The following HNRNPR variants were observed in gnomAD, a reference collection of about 807,000 sequenced individuals.
HNRNPR encodes heterogeneous nuclear ribonucleoprotein R.
A neutral mutation model predicts 70.3 loss-of-function variants in HNRNPR; 4 were observed. That is an observed-to-expected ratio of 0.06 (90% CI 0.03 to 0.13). HNRNPR has a LOEUF of 0.13. Ranked by LOEUF, HNRNPR falls within the 10% of genes least tolerant of loss-of-function variation. HNRNPR has a pLI of 1.00. For missense variants in HNRNPR, 423 were observed against 788.5 expected (o/e 0.54, Z 5.55); for synonymous variants, 241 against 267.6 (o/e 0.90, Z 0.97).
rs1356950842 is a variant in HNRNPR, at chr1:23,308,053, T to C, written c.*2401A>G. The C allele has an allele frequency of 6.6e-6, 1 of 152,098 alleles. No individual in the cohort carries two copies. Among genetic ancestry groups the C allele is most frequent in the African/African-American group, 2.4e-5 (1 of 41,464 alleles). 9.4% of individuals were successfully genotyped at this position (152,098 alleles called of 1,614,324 possible). A position where few individuals can be genotyped will look rare whatever the true frequency, so the allele number is the denominator to read the frequency against. On this transcript the variant is annotated 3_prime_UTR_variant, in exon 11 of 11. Coordinates refer to ENST00000302271, the MANE Select transcript of HNRNPR (RefSeq NM_005826.5). ...TCTCTGAATGCTGCTACAGTGTTAA[T>C]TTACAAGACATGAAAGAAGAAAAGC... is the stretch of plus-strand genomic sequence containing the variant.
chr1:23,328,889 C>A (rs948623153), intron 5 of HNRNPR, among the ~76,000 whole-genome samples: 1 of 152,162 alleles, frequency 6.6e-6, no homozygotes, highest in Admixed American at 6.6e-5. Flanking sequence ...GAGGCCAAGG[C>A]AGGAGGATTG....
intron 6 of HNRNPR, among the ~76,000 whole-genome samples, chr1:23,322,482 T>C (rs1278677349): frequency 6.6e-6 from 1 of 152,184 alleles, no homozygotes; most frequent in African/African-American, 2.4e-5. Context: ...GTGATCTGCC[T>C]GCCTCAGCCT....
At chr1:23,340,728 TAAC>T in intron 2 of HNRNPR, 121 bp downstream of exon 2, 1 of 772,118 alleles carries the variant, frequency 1.3e-6, no homozygotes, top group South Asian at 2.2e-5. Context: ...GAAGGGAAAG[TAAC>T]AAACATTCAG....
At chr1:23,329,633 A>T (rs1194772600) in intron 5 of HNRNPR, among the ~76,000 whole-genome samples, 1 of 152,204 alleles carries the variant, frequency 6.6e-6, no homozygotes, top group African/African-American at 2.4e-5. Flanking sequence ...GTCATTCAAC[A>T]GTCTTTTCTT....
intron 4 of HNRNPR, among the ~76,000 whole-genome samples, chr1:23,334,978 C>T (rs1038776512): frequency 3.3e-5 from 5 of 151,594 alleles, no homozygotes; most frequent in South Asian, 2.1e-4. Flanking sequence ...AGTGCAGTGG[C>T]GCGATCTTGG....
rs760744112 is a variant in HNRNPR, at chr1:23,310,587, T to G, written c.1769A>C (p.Asn590Thr). Residue 590 changes from asparagine to threonine, a missense_variant, in exon 11 of 11, where the codon AAC (asparagine) becomes ACC (threonine). Asn to Thr is a moderately conservative substitution (Grantham distance 65). This residue lies in a region of HNRNPR where 39 missense variants were observed against 53.2 expected (regional missense o/e 0.73). Coordinates refer to ENST00000302271, the MANE Select transcript of HNRNPR (RefSeq NM_005826.5). This position sits in a 1 kb window ranked among gnomAD's most constrained non-coding sequence, Gnocchi z 6.0. ...QPDSKRRQTNNQQNWGSQPIA... is the reference protein window; with the variant it reads ...QPDSKRRQTNTQQNWGSQPIA... Reference sequence around the variant, plus strand: ...GGGTTGGGAACCCCAGTTCTGTTGGTTGTTGGTCTGACGACGCTTGGAATC... The same window carrying G: ...GGGTTGGGAACCCCAGTTCTGTTGGGTGTTGGTCTGACGACGCTTGGAATC... The G allele has an allele frequency of 6.2e-7, 1 of 1,614,220 alleles. No homozygotes were observed. Among genetic ancestry groups the G allele is most frequent in the South Asian group, 1.1e-5 (1 of 91,082 alleles).
chr1:23,336,767 C>CAAAA (rs34880516), intron 4 of HNRNPR, among the ~76,000 whole-genome samples: 1 of 59,582 alleles, frequency 1.7e-5, no homozygotes, highest in African/African-American at 4.6e-5. Context: ...GACTCTGTCT[C>CAAAA]AAAAAAAAAA....
intron 5 of HNRNPR, among the ~76,000 whole-genome samples, chr1:23,331,794 C>T (rs1456046413): frequency 2.4e-5 from 3 of 127,038 alleles, no homozygotes; most frequent in Non-Finnish European, 4.8e-5. Flanking sequence ...TATGATCACA[C>T]CACTAAACTC....
In HNRNPR at chr1:23,310,759, C is replaced by T; in HGVS notation, c.1597G>A (p.Gly533Arg). The stretch of plus-strand genomic sequence containing the variant: ...CCTCTTGGTGGTCCCAAAGGTGCCC[C>T]CCTCTGTGAATAGCCAGCTCTACCT... Reference protein sequence around the residue: ...PRGRAGYSQRGAPLGPPRGSR... With the variant: ...PRGRAGYSQRRAPLGPPRGSR... The change falls in exon 11 of 11, where the codon GGG becomes AGG. Residue 533 changes from glycine (G) to arginine (R), a missense_variant. Gly to Arg is a moderately radical substitution (Grantham distance 125). Around this residue, in one of 7 missense-constraint regions of HNRNPR, gnomAD observed 169 missense variants for 195.6 expected, o/e 0.86. Transcript: ENST00000302271. The surrounding 1 kb of genome is among the most constrained non-coding windows in gnomAD (Gnocchi z 6.0). 1 of 1,613,764 alleles carries T rather than the reference C, an allele frequency of 6.2e-7. No homozygotes were observed. The highest frequency in any genetic ancestry group is 8.5e-7 in the Non-Finnish European group (1 of 1,179,836).
intron 4 of HNRNPR, among the ~76,000 whole-genome samples, chr1:23,334,701 G>A (rs931323005): frequency 6.6e-5 from 10 of 152,080 alleles, no homozygotes; most frequent in African/African-American, 2.4e-4. Context: ...GTCAGGTTCC[G>A]AAAAATAAGT....
intron 6 of HNRNPR, among the ~76,000 whole-genome samples, chr1:23,322,214 G>A (rs930279413): frequency 6.6e-6 from 1 of 151,244 alleles, no homozygotes; most frequent in Admixed American, 6.6e-5. Context: ...TCACTATAGT[G>A]GATTTTCTTG....
intron 8 of HNRNPR, among the ~76,000 whole-genome samples, chr1:23,317,635 C>T (rs1039327184): frequency 1.3e-5 from 2 of 152,076 alleles, no homozygotes; most frequent in African/African-American, 4.8e-5. Flanking sequence ...TAAGAGCAAA[C>T]ATGACAATCT....
In HNRNPR at chr1:23,305,334, T is replaced by C. The variant is rs1326170014; in HGVS notation, c.*5120A>G. The C allele has an allele frequency of 6.6e-6, 1 of 152,198 alleles. No individual in the cohort carries two copies. Among genetic ancestry groups the C allele is most frequent in the Non-Finnish European group, 1.5e-5 (1 of 68,004 alleles). The allele number at this position is 152,198 out of a possible 1,614,324, so 9.4% of individuals were successfully genotyped here. A position where few individuals can be genotyped will look rare whatever the true frequency, so the allele number is the denominator to read the frequency against. On this transcript the variant is annotated 3_prime_UTR_variant, in exon 11 of 11. Coordinates refer to ENST00000302271, the MANE Select transcript of HNRNPR (RefSeq NM_005826.5). ...ATAAAATGTTACCTTAACACAACCCTGCAATCACTACAATTCTTAAAAGTA... is the reference window on the plus strand; with the variant it reads ...ATAAAATGTTACCTTAACACAACCCCGCAATCACTACAATTCTTAAAAGTA...
rs1210867418 is a variant in HNRNPR at position 23,318,168 on chromosome 1, T to TA, written c.1017+314dup. Among the ~76,000 whole-genome samples, 5,444 of 142,272 alleles carry TA rather than the reference T, an allele frequency of 0.038. 306 individuals carry two copies. Among genetic ancestry groups the TA allele is most frequent in the African/African-American group, 0.12 (4,876 of 39,758 alleles). 93.3% of individuals were successfully genotyped at this position (142,272 alleles called of 152,430 possible). A position where few individuals can be genotyped will look rare whatever the true frequency, so the allele number is the denominator to read the frequency against. Reference sequence around the variant, plus strand: ...TACTTCTCTCTTTACTCAGGACTTTTAAAAAAAAAAAAAACCTCTATCCCT... The same window carrying TA: ...TACTTCTCTCTTTACTCAGGACTTTTAAAAAAAAAAAAAAACCTCTATCCCT... On this transcript the variant is annotated intron_variant, in intron 8 of 10. Coordinates refer to ENST00000302271, the MANE Select transcript of HNRNPR (RefSeq NM_005826.5). The surrounding 1 kb of genome is among the most constrained non-coding windows in gnomAD (Gnocchi z 4.2).
intron 8 of HNRNPR, among the ~76,000 whole-genome samples, chr1:23,316,563 TATA>T (rs1229695149): frequency 6.6e-6 from 1 of 152,192 alleles, no homozygotes; most frequent in African/African-American, 2.4e-5. Flanking sequence ...ATTCCTCTTT[TATA>T]ATATTTTATT....
rs185418556 is a variant in HNRNPR, at chr1:23,336,132, A to T, written c.384+1622T>A. ...ACTCCGTCTCAAAAAAAAAAAAAAA[A>T]GTCTATCACAGGCCGGATATGGTGG... is the stretch of plus-strand genomic sequence containing the variant. On this transcript the variant is annotated intron_variant, in intron 4 of 10. Transcript: ENST00000302271. Among the ~76,000 whole-genome samples the T allele has an allele frequency of 1.1e-3, 161 of 144,560 alleles. 5 individuals are homozygous for T. The highest frequency in any genetic ancestry group is 1.8e-3 in the Non-Finnish European group (117 of 65,592). 94.8% of individuals were successfully genotyped at this position (144,560 alleles called of 152,430 possible). A position where few individuals can be genotyped will look rare whatever the true frequency, so the allele number is the denominator to read the frequency against.
At position 23,318,971 on chromosome 1, in the gene HNRNPR, A is replaced by G. The variant is rs1557849554; in HGVS notation, c.812-283T>C. 1.3e-5 allele frequency among the ~76,000 whole-genome samples: 2 copies of G among 152,230 alleles called. No individual in the cohort carries two copies. Among genetic ancestry groups the G allele is most frequent in the East Asian group, 3.8e-4 (2 of 5,200 alleles). Reference sequence around the variant, plus strand: ...TACAATGTTTTAGAGCGTTTGATATAACATGACTTTATTAAAGCACTAACA... The same window carrying G: ...TACAATGTTTTAGAGCGTTTGATATGACATGACTTTATTAAAGCACTAACA... On this transcript the variant is annotated intron_variant, in intron 7 of 10. Coordinates refer to ENST00000302271, the MANE Select transcript of HNRNPR (RefSeq NM_005826.5). The surrounding 1 kb of genome is among the most constrained non-coding windows in gnomAD (Gnocchi z 4.2).
At chr1:23,343,271 T>G (rs540598256) in intron 1 of HNRNPR, among the ~76,000 whole-genome samples, 1 of 152,288 alleles carries the variant, frequency 6.6e-6, no homozygotes, top group South Asian at 2.1e-4. Flanking sequence ...CTCCCTGACT[T>G]TTTCTGAACC....
At chr1:23,331,900 T>C (rs1415296541) in intron 5 of HNRNPR, among the ~76,000 whole-genome samples, 3 of 142,992 alleles carry the variant, frequency 2.1e-5, no homozygotes, top group East Asian at 4.5e-4. Context: ...AGCACACAGT[T>C]TTCTCCATTT....
Sources: allele counts gnomAD v4.1 joint callset (sites outside exome capture counted in the v4.1 genomes callset), GRCh38; gene constraint gnomAD v4.1.1; regional missense constraint gnomAD v4.1.1; non-coding constraint Gnocchi (gnomAD v3.1); transcripts MANE v1.5; gene names NCBI Gene and HGNC (gene_info 2026-07-23, HGNC 2026-07-21).